ATP1A1: variants seen among roughly 807,000 people sequenced by gnomAD.
ATP1A1 encodes the protein sodium/potassium-transporting ATPase subunit alpha-1.
Under a neutral mutation model 114.8 loss-of-function variants are expected in ATP1A1, and 14 were observed. That is an observed-to-expected ratio of 0.12 (90% CI 0.08 to 0.19). The LOEUF is 0.19. Among genes scored for constraint, ATP1A1 ranks in the 10% least tolerant of loss-of-function variants. The probability of loss-of-function intolerance (pLI) is 1.00; values close to 1 mark genes in which losing one functional copy is unlikely to be tolerated. For synonymous variants in ATP1A1, 471 were observed against 466.3 expected (o/e 1.01, Z -0.13); for missense variants, 524 against 1,290.7 (o/e 0.41, Z 9.10).
intron 1 of ATP1A1, 106 bp downstream of exon 1, chr1:116,373,629 C>A: frequency 8.4e-7 from 1 of 1,193,450 alleles, no homozygotes; most frequent in Non-Finnish European, 1.1e-6. Flanking sequence ...GAGGAGGAAG[C>A]GGCGCCGCGT....
Position 116,393,769 on chromosome 1 carries a change from C to G in ATP1A1, c.1660+46C>G. On this transcript the variant is annotated intron_variant, in intron 12 of 22. Coordinates refer to ENST00000295598, the MANE Select transcript of ATP1A1 (RefSeq NM_000701.8). The surrounding 1 kb of genome is among the most constrained non-coding windows in gnomAD (Gnocchi z 5.0). ...CAGAGTGCCTGGGCACGTTTTTATCCAGTAACCTAGTCTGGTAGACAGTTA... is the reference window on the plus strand; with the variant it reads ...CAGAGTGCCTGGGCACGTTTTTATCGAGTAACCTAGTCTGGTAGACAGTTA... 6.4e-7 allele frequency: 1 copy of G among 1,564,580 alleles called. No individual in the cohort carries two copies.
chr1:116,388,536 G>A lies in ATP1A1; in HGVS notation c.502-102G>A, dbSNP rs1652247210. 8 of 1,429,472 alleles carry A rather than the reference G, an allele frequency of 5.6e-6. No individual in the cohort carries two copies. Among genetic ancestry groups the A allele is most frequent in the Non-Finnish European group, 7.6e-6 (8 of 1,053,646 alleles). The allele number at this position is 1,429,472 out of a possible 1,614,324, so 88.5% of individuals were successfully genotyped here. A position where few individuals can be genotyped will look rare whatever the true frequency, so the allele number is the denominator to read the frequency against. ...AAAAAGTGAATAATATCTTTGTTTTGTATTCAGGTAATTAGGATTATGACT... is the reference window on the plus strand; with the variant it reads ...AAAAAGTGAATAATATCTTTGTTTTATATTCAGGTAATTAGGATTATGACT... On this transcript the variant is annotated intron_variant, in intron 5 of 22. Coordinates refer to ENST00000295598, the MANE Select transcript of ATP1A1 (RefSeq NM_000701.8). This position sits in a 1 kb window ranked among gnomAD's most constrained non-coding sequence, Gnocchi z 5.6.
rs772954624 is a variant in ATP1A1 at position 116,395,101 on chromosome 1, T to C, written c.1661-9T>C. 23 of 1,613,106 alleles carry C rather than the reference T, an allele frequency of 1.4e-5. No homozygotes were observed. The highest frequency in any genetic ancestry group is 1.9e-5 in the Non-Finnish European group (22 of 1,179,474). ...CTGAAATTTTCAAAGGCTCCTGTCC[T>C]CCTCGCAGGTTTCTGCCACCTCTTT... On this transcript the variant is annotated splice_polypyrimidine_tract_variant and intron_variant, in intron 12 of 22. Coordinates refer to ENST00000295598, the MANE Select transcript of ATP1A1 (RefSeq NM_000701.8). The surrounding 1 kb of genome is among the most constrained non-coding windows in gnomAD (Gnocchi z 6.4).
intron 1 of ATP1A1, among the ~76,000 whole-genome samples, chr1:116,377,082 T>C (rs1037198258): frequency 3.5e-4 from 53 of 152,248 alleles, no homozygotes; most frequent in African/African-American, 1.3e-3. Flanking sequence ...AGAAAGGCTT[T>C]AACTAAAATA....
At chr1:116,375,147 T>G (rs1651279344) in intron 1 of ATP1A1, among the ~76,000 whole-genome samples, 1 of 152,212 alleles carries the variant, frequency 6.6e-6, no homozygotes, top group Non-Finnish European at 1.5e-5. Context: ...GAAAAAAGTT[T>G]ACTTCCTGAG....
At chr1:116,396,104 A>C (rs1422556326) in intron 13 of ATP1A1, among the ~76,000 whole-genome samples, 1 of 152,042 alleles carries the variant, frequency 6.6e-6, no homozygotes, top group African/African-American at 2.4e-5. Context: ...TTATTTCCTC[A>C]CCATTCCGAC....
At position 116,397,673 on chromosome 1, in the gene ATP1A1, T is replaced by TA. The variant is rs1026354729; in HGVS notation, c.1974-214dup. ...AGGAAGAATACAGACAGGCCTGCCTTAGAGATCATCATGAGCCTCAAATGA... is the reference window on the plus strand; with the variant it reads ...AGGAAGAATACAGACAGGCCTGCCTTAAGAGATCATCATGAGCCTCAAATGA... On this transcript the variant is annotated intron_variant, in intron 14 of 22. Coordinates refer to ENST00000295598, the MANE Select transcript of ATP1A1 (RefSeq NM_000701.8). This position sits in a 1 kb window ranked among gnomAD's most constrained non-coding sequence, Gnocchi z 4.2. Among the ~76,000 whole-genome samples, 5 of 152,146 alleles carry TA rather than the reference T, an allele frequency of 3.3e-5. No homozygotes were observed. The highest frequency in any genetic ancestry group is 7.2e-5 in the African/African-American group (3 of 41,438).
intron 14 of ATP1A1, 37 bp downstream of exon 14, chr1:116,396,771 C>G (rs778089797): frequency 1.3e-6 from 2 of 1,527,528 alleles, no homozygotes; most frequent in Non-Finnish European, 1.8e-6. Flanking sequence ...CTGCTGTGAA[C>G]AAGCAAATAG....
chr1:116,384,955 C>A lies in ATP1A1; in HGVS notation c.183+113C>A. On this transcript the variant is annotated intron_variant, in intron 3 of 22. Coordinates refer to ENST00000295598, the MANE Select transcript of ATP1A1 (RefSeq NM_000701.8). This position sits in a 1 kb window ranked among gnomAD's most constrained non-coding sequence, Gnocchi z 5.1. ...GGCTCTAGTAAGAAAATGACAGACA[C>A]CATCTGCGTATCTACCATGTGACAT... 1 of 995,266 alleles carries A rather than the reference C, an allele frequency of 1.0e-6. No individual in the cohort carries two copies. The highest frequency in any genetic ancestry group is 1.6e-6 in the Non-Finnish European group (1 of 635,566). The allele number at this position is 995,266 out of a possible 1,614,324, so 61.7% of individuals were successfully genotyped here.
At chr1:116,391,262 T>A (rs12085796) in intron 10 of ATP1A1, among the ~76,000 whole-genome samples, 3,606 of 152,330 alleles carry the variant, frequency 0.024, 158 homozygotes, top group African/African-American at 0.08. Flanking sequence ...AGGGCTGCAG[T>A]GACTCCATAA....
Position 116,384,963 on chromosome 1 carries a change from GTA to G in ATP1A1, c.183+123_183+124del, listed in dbSNP as rs1427768100. ...TAAGAAAATGACAGACACCATCTGCGTATCTACCATGTGACATGCACAGAATT... is the reference window on the plus strand; with the variant it reads ...TAAGAAAATGACAGACACCATCTGCGTCTACCATGTGACATGCACAGAATT... On this transcript the variant is annotated intron_variant, in intron 3 of 22. Coordinates refer to ENST00000295598, the MANE Select transcript of ATP1A1 (RefSeq NM_000701.8). This position sits in a 1 kb window ranked among gnomAD's most constrained non-coding sequence, Gnocchi z 5.1. 6.5e-6 allele frequency: 6 copies of G among 929,754 alleles called. No homozygotes were observed. Among genetic ancestry groups the G allele is most frequent in the Non-Finnish European group, 1.0e-5 (6 of 583,824 alleles). The allele number at this position is 929,754 out of a possible 1,614,324, so 57.6% of individuals were successfully genotyped here.
rs536787851 is a variant in ATP1A1 at position 116,379,111 on chromosome 1, A to G, written c.13-4903A>G. Among the ~76,000 whole-genome samples the G allele has an allele frequency of 3.3e-5, 5 of 152,328 alleles. No individual in the cohort carries two copies. In the East Asian group the frequency reaches 5.8e-4, roughly 18 times the overall value. On this transcript the variant is annotated intron_variant, in intron 1 of 22. Transcript: ENST00000295598. ...ACTACTGCAGGTAGGGTAGGCTGTCAGGCTCATTAAGAATTGACATGCAGG... is the reference window on the plus strand; with the variant it reads ...ACTACTGCAGGTAGGGTAGGCTGTCGGGCTCATTAAGAATTGACATGCAGG...
chr1:116,400,422 G>A (rs988477437), intron 18 of ATP1A1, among the ~76,000 whole-genome samples: 1 of 152,120 alleles, frequency 6.6e-6, no homozygotes, highest in African/African-American at 2.4e-5. Context: ...GGTCCTGAAG[G>A]TGGGGAGGAG....
At chr1:116,392,794 T>A in intron 10 of ATP1A1, 60 bp from the exon 11 acceptor site, 2 of 1,573,568 alleles carry the variant, frequency 1.3e-6, no homozygotes. Flanking sequence ...TTCCTGTTTT[T>A]TAGTGATGCC....
chr1:116,375,654 T>TTG, intron 1 of ATP1A1, among the ~76,000 whole-genome samples: 1 of 152,292 alleles, frequency 6.6e-6, no homozygotes, highest in South Asian at 2.1e-4. Context: ...ATTAGTTTAC[T>TTG]TGTGTGTGTG....
chr1:116,399,208 C>T lies in ATP1A1; in HGVS notation c.2448+124C>T. ...GAAAAGAAATTCTCAGGACCAGTAT[C>T]CAGTGTGTGTCCCAATCCCGGCTTC... On this transcript the variant is annotated intron_variant, in intron 17 of 22. Transcript: ENST00000295598. This position sits in a 1 kb window ranked among gnomAD's most constrained non-coding sequence, Gnocchi z 5.0. The T allele has an allele frequency of 6.9e-7, 1 of 1,449,820 alleles. No homozygotes were observed. The highest frequency in any genetic ancestry group is 9.5e-7 in the Non-Finnish European group (1 of 1,054,764). The allele number at this position is 1,449,820 out of a possible 1,614,324, so 89.8% of individuals were successfully genotyped here.
rs1484607182 is a variant in ATP1A1 at position 116,404,100 on chromosome 1, G to A, written c.3043+125G>A. The A allele has an allele frequency of 4.4e-6, 4 of 918,466 alleles. No homozygotes were observed. The Admixed American group carries it at 7.7e-5, about 18-fold the overall frequency. The allele number at this position is 918,466 out of a possible 1,614,324, so 56.9% of individuals were successfully genotyped here. On this transcript the variant is annotated intron_variant, in intron 22 of 22. Coordinates refer to ENST00000295598, the MANE Select transcript of ATP1A1 (RefSeq NM_000701.8). This position sits in a 1 kb window ranked among gnomAD's most constrained non-coding sequence, Gnocchi z 4.8. The stretch of plus-strand genomic sequence containing the variant: ...GTCAGTCTGATTAGCTAAGGTGACT[G>A]GACCAGCAAACTGACCATAGTCACA...
In ATP1A1 at chr1:116,387,362, T is replaced by C. The variant is rs1238943105; in HGVS notation, c.258T>C (p.Thr86=). The C allele has an allele frequency of 1.9e-6, 3 of 1,614,152 alleles. No individual in the cohort carries two copies. Among genetic ancestry groups the C allele is most frequent in the Non-Finnish European group, 2.5e-6 (3 of 1,180,022 alleles). Residue 86 remains threonine (T), a synonymous_variant, in exon 4 of 23, where the codon ACT becomes ACC. Transcript: ENST00000295598. This position sits in a 1 kb window ranked among gnomAD's most constrained non-coding sequence, Gnocchi z 6.7. ...GPNALTPPPT[T]PEWIKFCRQL... ...ACGCCCTCACTCCCCCTCCCACTAC[T>C]CCTGAATGGATCAAGTTTTGTCGGC...
chr1:116,378,699 T>C (rs1651534911), intron 1 of ATP1A1, among the ~76,000 whole-genome samples: 3 of 152,238 alleles, frequency 2.0e-5, no homozygotes, highest in African/African-American at 2.4e-5. Context: ...TGGACAGCCT[T>C]TATCCTCTTC....
Sources: allele counts gnomAD v4.1 joint callset (sites outside exome capture counted in the v4.1 genomes callset), GRCh38; gene constraint gnomAD v4.1.1; non-coding constraint Gnocchi (gnomAD v3.1); transcripts MANE v1.5; gene names NCBI Gene and HGNC (gene_info 2026-07-23, HGNC 2026-07-21).